Variants in MARVELD2 observed in about 807,000 individuals in gnomAD.
MARVELD2 encodes the protein MARVEL domain-containing protein 2.
Under a neutral mutation model 57.6 loss-of-function variants are expected in MARVELD2, and 49 were observed. The observed-to-expected ratio is 0.85, with a 90% CI of 0.68 to 1.08. MARVELD2 has a LOEUF of 1.08. Among genes scored for constraint, MARVELD2 ranks in the 50% least tolerant of loss-of-function variants. The pLI is 0.00. For missense variants in MARVELD2, 606 were observed against 701.1 expected (o/e 0.86, Z 1.53); for synonymous variants, 238 against 258.8 (o/e 0.92, Z 0.77).
At chr5:69,423,562 A>C (rs1170743353) in intron 2 of MARVELD2, among the ~76,000 whole-genome samples, 1 of 151,722 alleles carries the variant, frequency 6.6e-6, no homozygotes, top group African/African-American at 2.4e-5. Context: ...CTTGATGGAA[A>C]AAAATAGTTT....
rs1766985351 is a variant in MARVELD2 at position 69,432,166 on chromosome 5, A to G, written c.1183-361A>G. ...GCTGGGATTATAGGCACCCGCCACCACTCCCAGCTAATTTTTGTATTTTTA... is the reference window on the plus strand; with the variant it reads ...GCTGGGATTATAGGCACCCGCCACCGCTCCCAGCTAATTTTTGTATTTTTA... On this transcript the variant is annotated intron_variant, in intron 3 of 6. Coordinates refer to ENST00000325631, the MANE Select transcript of MARVELD2 (RefSeq NM_001038603.3). Among the ~76,000 whole-genome samples the G allele has an allele frequency of 2.0e-5, 3 of 151,178 alleles. No individual in the cohort carries two copies. In the Admixed American group the frequency reaches 2.0e-4, roughly 10 times the overall value.
At chr5:69,436,974 C>T (rs1767163776) in intron 5 of MARVELD2, among the ~76,000 whole-genome samples, 1 of 151,996 alleles carries the variant, frequency 6.6e-6, no homozygotes, top group Non-Finnish European at 1.5e-5. Context: ...CACAGTGGCT[C>T]ATGCCTGTAA....
chr5:69,419,367 A>G lies in MARVELD2; in HGVS notation c.-15-4A>G. 6.2e-7 allele frequency: 1 copy of G among 1,614,170 alleles called. No individual in the cohort carries two copies. The highest frequency in any genetic ancestry group is 8.5e-7 in the Non-Finnish European group (1 of 1,180,006). On this transcript the variant is annotated splice_polypyrimidine_tract_variant and splice_region_variant and intron_variant, in intron 1 of 6. Coordinates refer to ENST00000325631, the MANE Select transcript of MARVELD2 (RefSeq NM_001038603.3). Reference sequence around the variant, plus strand: ...ATAAGTGATAACTTTAAATTTGGCCACAGGTGTGAAAATCACAAATGTCAA... The same window carrying G: ...ATAAGTGATAACTTTAAATTTGGCCGCAGGTGTGAAAATCACAAATGTCAA...
chr5:69,438,139 G>T (rs1048553721), intron 5 of MARVELD2, among the ~76,000 whole-genome samples: 1 of 152,156 alleles, frequency 6.6e-6, no homozygotes, highest in Non-Finnish European at 1.5e-5. Context: ...TTGGAGGCAG[G>T]TTCTCCCACA....
At chr5:69,422,516 A>T (rs1467081644) in intron 2 of MARVELD2, among the ~76,000 whole-genome samples, 2 of 152,166 alleles carry the variant, frequency 1.3e-5, no homozygotes, top group African/African-American at 4.8e-5. Context: ...CGCCTAATAA[A>T]TTTTGGTCAG....
At chr5:69,435,945 A>G (rs2150930046) in intron 5 of MARVELD2, among the ~76,000 whole-genome samples, 1 of 152,170 alleles carries the variant, frequency 6.6e-6, no homozygotes, top group African/African-American at 2.4e-5. Context: ...AGGTTCATCC[A>G]TATTTTAGCA....
chr5:69,420,777 G>A (rs979716596), intron 2 of MARVELD2, among the ~76,000 whole-genome samples: 5 of 151,888 alleles, frequency 3.3e-5, no homozygotes, highest in Non-Finnish European at 7.3e-5. Flanking sequence ...CACCAGATGT[G>A]TAATATATAG....
chr5:69,440,195 G>A (rs1022389626), intron 5 of MARVELD2, among the ~76,000 whole-genome samples: 1 of 152,168 alleles, frequency 6.6e-6, no homozygotes, highest in Non-Finnish European at 1.5e-5. Flanking sequence ...CCCTGGGCAA[G>A]CTATGTATCC....
intron 3 of MARVELD2, among the ~76,000 whole-genome samples, chr5:69,426,917 C>G (rs1353118477): frequency 1.3e-5 from 2 of 152,030 alleles, no homozygotes; most frequent in African/African-American, 4.8e-5. Flanking sequence ...CTCAGCCTCC[C>G]AAAGCACTGG....
chr5:69,424,382 T>A (rs1225259728), intron 2 of MARVELD2, among the ~76,000 whole-genome samples: 1 of 152,176 alleles, frequency 6.6e-6, no homozygotes, highest in East Asian at 1.9e-4. Flanking sequence ...TATTCCCTAC[T>A]CCTCTCTATG....
Position 69,444,006 on chromosome 5 carries a change from CTT to C in MARVELD2, c.*2354_*2355del, listed in dbSNP as rs1767398201. On this transcript the variant is annotated 3_prime_UTR_variant, in exon 7 of 7. Transcript: ENST00000325631. ...ATTTCACTTAAGAAGAGCACCAGTGCTTTAAAAAAAAAAAAAGGTAAAATATT... is the reference window on the plus strand; with the variant it reads ...ATTTCACTTAAGAAGAGCACCAGTGCTAAAAAAAAAAAAAGGTAAAATATT... The C allele has an allele frequency of 1.7e-4, 1 of 6,024 alleles. No homozygotes were observed. The highest frequency in any genetic ancestry group is 1.9e-4 in the African/African-American group (1 of 5,340). 0.4% of individuals were successfully genotyped at this position (6,024 alleles called of 1,614,324 possible).
At chr5:69,428,097 C>T (rs944227123) in intron 3 of MARVELD2, among the ~76,000 whole-genome samples, 17 of 150,474 alleles carry the variant, frequency 1.1e-4, no homozygotes, top group Non-Finnish European at 2.4e-4. Context: ...GGTGACAGAG[C>T]GAGACTATGT....
chr5:69,433,386 A>G (rs374123563), intron 5 of MARVELD2, among the ~76,000 whole-genome samples: 1 of 151,490 alleles, frequency 6.6e-6, no homozygotes, highest in East Asian at 1.9e-4. Flanking sequence ...GAGTGGCCTC[A>G]AGTGATCCAC....
chr5:69,422,443 A>G (rs2150917715), intron 2 of MARVELD2, among the ~76,000 whole-genome samples: 1 of 152,282 alleles, frequency 6.6e-6, no homozygotes, highest in East Asian at 1.9e-4. Context: ...AATCATAGAT[A>G]AGGGATGAAA....
rs1349830606 is a variant in MARVELD2 at position 69,436,461 on chromosome 5, AAATTT to A, written c.1503+3369_1503+3373del. Reference sequence around the variant, plus strand: ...CACACACACACACACACATATATATAAATTTTTTACCTGAGAAGTTAGGTGTCTTT... The same window carrying A: ...CACACACACACACACACATATATATATTTACCTGAGAAGTTAGGTGTCTTT... On this transcript the variant is annotated intron_variant, in intron 5 of 6. Coordinates refer to ENST00000325631, the MANE Select transcript of MARVELD2 (RefSeq NM_001038603.3). Among the ~76,000 whole-genome samples the A allele has an allele frequency of 2.7e-5, 4 of 149,292 alleles. No homozygotes were observed. In the Admixed American group the frequency reaches 2.7e-4, roughly 10 times the overall value.
intron 3 of MARVELD2, among the ~76,000 whole-genome samples, chr5:69,427,382 C>CT (rs374329548): frequency 5.2e-4 from 78 of 151,320 alleles, no homozygotes; most frequent in African/African-American, 1.9e-3. Flanking sequence ...AAACACATAG[C>CT]TAGTTCTCCC....
rs781617537 is a variant in MARVELD2 at position 69,420,175 on chromosome 5, T to G, written c.790T>G (p.Trp264Gly). ...PFVLVVAGLA[W>G]ITTIIILVLG... Reference sequence around the variant, plus strand: ...TGTACTCGTGGTTGCTGGATTAGCTTGGATCACCACCATTATTATTCTGGT... The same window carrying G: ...TGTACTCGTGGTTGCTGGATTAGCTGGGATCACCACCATTATTATTCTGGT... The change falls in exon 2 of 7, where the codon TGG (tryptophan) becomes GGG (glycine). Residue 264 changes from tryptophan (W) to glycine (G), a missense_variant. By Grantham distance (184) the Trp-to-Gly change is radical. Transcript: ENST00000325631. 1.2e-6 allele frequency: 2 copies of G among 1,614,200 alleles called. No homozygotes were observed. Among genetic ancestry groups the G allele is most frequent in the Non-Finnish European group, 1.7e-6 (2 of 1,180,034 alleles).
At chr5:69,420,896 A>G (rs1291515680) in intron 2 of MARVELD2, among the ~76,000 whole-genome samples, 1 of 152,246 alleles carries the variant, frequency 6.6e-6, no homozygotes, top group East Asian at 1.9e-4. Flanking sequence ...CTCATCATTA[A>G]GTTTGAGAAC....
chr5:69,426,113 T>C (rs1318393944), intron 3 of MARVELD2, among the ~76,000 whole-genome samples: 2 of 151,924 alleles, frequency 1.3e-5, no homozygotes, highest in African/African-American at 4.8e-5. Context: ...TTACCAACTG[T>C]GTGGCAGCAG....
Sources: allele counts gnomAD v4.1 joint callset (sites outside exome capture counted in the v4.1 genomes callset), GRCh38; gene constraint gnomAD v4.1.1; transcripts MANE v1.5; gene names NCBI Gene and HGNC (gene_info 2026-07-23, HGNC 2026-07-21).